OTUD7A: variants seen among roughly 807,000 people sequenced by gnomAD.
OTUD7A encodes OTU deubiquitinase 7A.
In OTUD7A, 12 loss-of-function variants were observed where a neutral mutation model predicts 65.7. The ratio of observed to expected loss-of-function variants is 0.18; its 90% CI spans 0.12 to 0.30. The LOEUF is 0.30. Ranked by LOEUF, OTUD7A falls within the 10% of genes least tolerant of loss-of-function variation. The pLI, the probability that OTUD7A is intolerant of heterozygous loss-of-function variation, is 1.00. For missense variants in OTUD7A, 1,148 were observed against 1,304.8 expected (o/e 0.88, Z 1.85); for synonymous variants, 641 against 586.3 (o/e 1.09, Z -1.35).
chr15:31,868,793 C>T (rs1897947725), intron 1 of OTUD7A, among the ~76,000 whole-genome samples: 1 of 152,250 alleles, frequency 6.6e-6, no homozygotes, highest in East Asian at 1.9e-4. Flanking sequence ...CTTCGTAAAG[C>T]GGCGATTTCC....
intron 1 of OTUD7A, among the ~76,000 whole-genome samples, chr15:31,830,827 TG>T (rs1567044977): frequency 6.6e-6 from 1 of 152,234 alleles, no homozygotes; most frequent in Non-Finnish European, 1.5e-5. Flanking sequence ...TGCCATGTTA[TG>T]CACAAGGAAA....
chr15:31,775,043 C>A (rs1895338257), intron 1 of OTUD7A, among the ~76,000 whole-genome samples: 1 of 151,592 alleles, frequency 6.6e-6, no homozygotes, highest in Non-Finnish European at 1.5e-5. Flanking sequence ...TTATCCTCTC[C>A]TCTGACCTAT....
chr15:31,816,960 G>T (rs533633297), intron 1 of OTUD7A, among the ~76,000 whole-genome samples: 1 of 152,100 alleles, frequency 6.6e-6, no homozygotes, highest in Non-Finnish European at 1.5e-5. Context: ...AACTAATAAA[G>T]AAACCAAATA....
At chr15:31,834,730 G>C (rs1176673822) in intron 1 of OTUD7A, among the ~76,000 whole-genome samples, 1 of 152,214 alleles carries the variant, frequency 6.6e-6, no homozygotes, top group African/African-American at 2.4e-5. Context: ...GCATGCAATA[G>C]ATAAACGCTG....
intron 3 of OTUD7A, among the ~76,000 whole-genome samples, chr15:31,577,610 G>A (rs867311078): frequency 2.0e-5 from 3 of 152,012 alleles, no homozygotes; most frequent in South Asian, 4.2e-4. Flanking sequence ...GATCACCTTG[G>A]GCGCTTGTTC....
At chr15:31,504,076 C>T (rs547672386) in intron 8 of OTUD7A, among the ~76,000 whole-genome samples, 38 of 152,306 alleles carry the variant, frequency 2.5e-4, no homozygotes, top group East Asian at 3.9e-4. Context: ...GGGTGCCGGC[C>T]GCTGTGAAGG....
intron 10 of OTUD7A, among the ~76,000 whole-genome samples, chr15:31,491,386 G>A (rs2141069971): frequency 6.6e-6 from 1 of 152,218 alleles, no homozygotes; most frequent in East Asian, 1.9e-4. Context: ...TTGAGGGGCT[G>A]GTCAGTTGAC....
intron 4 of OTUD7A, among the ~76,000 whole-genome samples, chr15:31,568,268 G>T (rs1049335709): frequency 6.6e-6 from 1 of 152,282 alleles, no homozygotes; most frequent in Admixed American, 6.5e-5. Context: ...GCACTGGTGT[G>T]CCCTGGATGT....
At chr15:31,539,273 A>C (rs1293758593) in intron 5 of OTUD7A, among the ~76,000 whole-genome samples, 1 of 152,096 alleles carries the variant, frequency 6.6e-6, no homozygotes, top group Non-Finnish European at 1.5e-5. Context: ...TAGGCATAGC[A>C]GGACTTTCCC....
At chr15:31,599,568 CA>C (rs1217619906) in intron 3 of OTUD7A, among the ~76,000 whole-genome samples, 3 of 152,108 alleles carry the variant, frequency 2.0e-5, no homozygotes, top group Non-Finnish European at 4.4e-5. Context: ...TTCCAAAAAC[CA>C]GAACGCCTCT....
chr15:31,510,938 T>C lies in OTUD7A; in HGVS notation c.894-7120A>G, dbSNP rs1350795956. On this transcript the variant is annotated intron_variant, in intron 8 of 12. Transcript: ENST00000307050. ...TATCTATATGTAACATATATGTATATCTATATGTAACATATATGTATATCT... is the reference window on the plus strand; with the variant it reads ...TATCTATATGTAACATATATGTATACCTATATGTAACATATATGTATATCT... Among the ~76,000 whole-genome samples, 2 of 29,446 alleles carry C rather than the reference T, an allele frequency of 6.8e-5. 1 individual carries two copies. Among genetic ancestry groups the C allele is most frequent in the Non-Finnish European group, 1.1e-4 (2 of 18,318 alleles). 19.3% of individuals were successfully genotyped at this position (29,446 alleles called of 152,430 possible).
At position 31,510,988 on chromosome 15, in the gene OTUD7A, T is replaced by C. The variant is rs563522309; in HGVS notation, c.894-7170A>G. On this transcript the variant is annotated intron_variant, in intron 8 of 12. Coordinates refer to ENST00000307050, the MANE Select transcript of OTUD7A (RefSeq NM_001382637.1). ...TATATGTAACATATGTATATCTATA[T>C]GTAACATATGTATATCTATATGTAA... Among the ~76,000 whole-genome samples the C allele has an allele frequency of 1.1e-4, 11 of 104,178 alleles. 3 individuals are homozygous for C. The highest frequency in any genetic ancestry group is 1.9e-4 in the African/African-American group (4 of 21,346). The allele number at this position is 104,178 out of a possible 152,430, so 68.3% of individuals were successfully genotyped here. A position where few individuals can be genotyped will look rare whatever the true frequency, so the allele number is the denominator to read the frequency against.
chr15:31,662,263 G>T (rs1892186389), intron 1 of OTUD7A, among the ~76,000 whole-genome samples: 1 of 152,050 alleles, frequency 6.6e-6, no homozygotes, highest in African/African-American at 2.4e-5. Flanking sequence ...TCTACTATTT[G>T]GTCACCCAGT....
chr15:31,667,422 T>C (rs1286641249), intron 1 of OTUD7A, among the ~76,000 whole-genome samples: 1 of 152,214 alleles, frequency 6.6e-6, no homozygotes, highest in African/African-American at 2.4e-5. Flanking sequence ...TTAAAGTTTG[T>C]TTTGCCTGAT....
At chr15:31,554,666 C>G (rs1432442057) in intron 5 of OTUD7A, among the ~76,000 whole-genome samples, 1 of 152,212 alleles carries the variant, frequency 6.6e-6, no homozygotes, top group African/African-American at 2.4e-5. Flanking sequence ...CCTCTGCCCT[C>G]TGCCCCCAGA....
intron 1 of OTUD7A, among the ~76,000 whole-genome samples, chr15:31,672,294 G>T (rs2141297027): frequency 6.6e-6 from 1 of 152,010 alleles, no homozygotes; most frequent in African/African-American, 2.4e-5. Context: ...TTTTTCCTGT[G>T]GAAATTGCTC....
chr15:31,841,137 G>A (rs1030117129), intron 1 of OTUD7A, among the ~76,000 whole-genome samples: 2 of 152,164 alleles, frequency 1.3e-5, no homozygotes, highest in African/African-American at 2.4e-5. Context: ...TGGGGGCTGT[G>A]GTGTGGCAGA....
chr15:31,649,669 G>C, intron 3 of OTUD7A: 1 of 337,702 alleles, frequency 3.0e-6, no homozygotes, highest in Non-Finnish European at 6.4e-6. Context: ...TGGAACCACA[G>C]TCCTCTTACC....
intron 5 of OTUD7A, among the ~76,000 whole-genome samples, chr15:31,540,701 C>T (rs1887960753): frequency 6.6e-6 from 1 of 152,088 alleles, no homozygotes; most frequent in East Asian, 1.9e-4. Context: ...GGTCCAAAAT[C>T]CTGAGTTAAA....
Sources: allele counts gnomAD v4.1 joint callset (sites outside exome capture counted in the v4.1 genomes callset), GRCh38; gene constraint gnomAD v4.1.1; transcripts MANE v1.5; gene names NCBI Gene and HGNC (gene_info 2026-07-23, HGNC 2026-07-21).